Variants in KANSL1 observed in about 807,000 individuals in gnomAD.
KANSL1 encodes KAT8 regulatory NSL complex subunit 1.
Under a neutral mutation model 103.6 loss-of-function variants are expected in KANSL1, and 22 were observed. That is an observed-to-expected ratio of 0.21 (90% CI 0.15 to 0.30). The LOEUF (loss-of-function observed/expected upper bound fraction) is 0.30. Among genes scored for constraint, KANSL1 ranks in the 10% least tolerant of loss-of-function variants. The probability of loss-of-function intolerance (pLI) is 1.00; values close to 1 mark genes in which losing one functional copy is unlikely to be tolerated. For synonymous variants in KANSL1, 600 were observed against 527.6 expected (o/e 1.14, Z -1.88); for missense variants, 1,337 against 1,399.8 (o/e 0.96, Z 0.72).
At chr17:46,122,046 C>T (rs1598676973) in intron 2 of KANSL1, among the ~76,000 whole-genome samples, 2 of 152,180 alleles carry the variant, frequency 1.3e-5, no homozygotes, top group South Asian at 4.1e-4. Context: ...TTCCAGTTTT[C>T]ACACGATAAT....
At chr17:46,068,843 T>G (rs1434192177) in intron 4 of KANSL1, among the ~76,000 whole-genome samples, 2 of 152,062 alleles carry the variant, frequency 1.3e-5, no homozygotes, top group Non-Finnish European at 2.9e-5. Context: ...ACCTCTGAGG[T>G]ATAGGCAATA....
At chr17:46,144,253 G>A (rs145045012) in intron 2 of KANSL1, among the ~76,000 whole-genome samples, 179 of 152,304 alleles carry the variant, frequency 1.2e-3, no homozygotes, top group African/African-American at 4.1e-3. Context: ...ACTTCCTATC[G>A]TGTGCCAAAA....
chr17:46,053,017 G>A (rs2146511662), intron 6 of KANSL1, among the ~76,000 whole-genome samples: 1 of 130,186 alleles, frequency 7.7e-6, no homozygotes, highest in Middle Eastern at 5.3e-3. Context: ...GCTGCGCATG[G>A]TGGCTCACGC....
chr17:46,198,201 T>A (rs1315248757), upstream of KANSL1, among the ~76,000 whole-genome samples: 1 of 152,162 alleles, frequency 6.6e-6, no homozygotes, highest in African/African-American at 2.4e-5. Flanking sequence ...CTCCCTCACT[T>A]ATTCTTTGTG....
chr17:46,105,111 CCTA>C (rs1195051428), intron 2 of KANSL1, among the ~76,000 whole-genome samples: 1 of 152,160 alleles, frequency 6.6e-6, no homozygotes. Flanking sequence ...CCGCACATGG[CCTA>C]CTGTGTCTTC....
At chr17:46,216,835 G>A (rs1269807720) in intron 1 of KANSL1, among the ~76,000 whole-genome samples, 1 of 151,950 alleles carries the variant, frequency 6.6e-6, no homozygotes, top group African/African-American at 2.4e-5. Flanking sequence ...CCTGGGCACA[G>A]TGGCGCATTC....
rs1341393803 is a variant in KANSL1, at chr17:46,039,144, T to G, written c.2275A>C (p.Met759Leu). 5 of 1,612,334 alleles carry G rather than the reference T, an allele frequency of 3.1e-6. No homozygotes were observed. Among genetic ancestry groups the G allele is most frequent in the Non-Finnish European group, 4.2e-6 (5 of 1,179,646 alleles). The change falls in exon 9 of 15, where the codon ATG becomes CTG. Residue 759 changes from methionine (M) to leucine (L), a missense_variant. By Grantham distance (15) the Met-to-Leu change is conservative. Transcript: ENST00000432791. ...QHLDDVGAVP[M>L]VERVTAPKAE... The stretch of plus-strand genomic sequence containing the variant: ...TTTGGCGCTGTCACTCGCTCCACCA[T>G]GGGCACGGCCCCCACATCGTCTAAG...
intron 1 of KANSL1, chr17:46,221,341 T>G (rs1346568745): frequency 1.3e-5 from 2 of 152,144 alleles, no homozygotes; most frequent in Non-Finnish European, 2.9e-5. Context: ...ATTTCACTCT[T>G]TTCTCCGACT....
chr17:46,108,055 T>G (rs1339192344), intron 2 of KANSL1, among the ~76,000 whole-genome samples: 1 of 147,424 alleles, frequency 6.8e-6, no homozygotes, highest in Non-Finnish European at 1.5e-5. Context: ...CTTGACCACT[T>G]TCAGGATATT....
intron 1 of KANSL1, among the ~76,000 whole-genome samples, chr17:46,218,079 G>A (rs2148053566): frequency 6.6e-6 from 1 of 152,326 alleles, no homozygotes; most frequent in African/African-American, 2.4e-5. Context: ...CTGGAGTTAT[G>A]CTGCCACCAG....
At chr17:46,151,782 A>G (rs1259377188) in intron 2 of KANSL1, among the ~76,000 whole-genome samples, 1 of 152,236 alleles carries the variant, frequency 6.6e-6, no homozygotes, top group East Asian at 1.9e-4. Flanking sequence ...TGTTGAGGCT[A>G]CTCCTAGAAC....
chr17:46,070,821 T>C (rs1258691836), intron 4 of KANSL1, among the ~76,000 whole-genome samples: 2 of 152,180 alleles, frequency 1.3e-5, no homozygotes, highest in Non-Finnish European at 2.9e-5. Context: ...TCACGTGTTC[T>C]AGAAGGTACT....
intron 7 of KANSL1, chr17:46,049,555 A>C (rs2077637758): frequency 6.6e-6 from 1 of 152,100 alleles, no homozygotes; most frequent in Admixed American, 6.6e-5. Flanking sequence ...ACCTCAAGTG[A>C]TCTGCCTGCC....
intron 9 of KANSL1, 104 bp downstream of exon 9, chr17:46,038,923 A>G: frequency 8.5e-6 from 12 of 1,414,754 alleles, no homozygotes; most frequent in Non-Finnish European, 1.2e-5. Context: ...GCTTTCCTAG[A>G]AAGTGAAGGA....
intron 10 of KANSL1, chr17:46,037,920 G>A (rs2077196243): frequency 6.6e-6 from 1 of 152,318 alleles, no homozygotes; most frequent in East Asian, 1.9e-4. Flanking sequence ...CTTCCAGATG[G>A]AGTGTGGTAT....
chr17:46,197,922 G>A (rs936643319), upstream of KANSL1, among the ~76,000 whole-genome samples: 1 of 152,186 alleles, frequency 6.6e-6, no homozygotes, highest in Non-Finnish European at 1.5e-5. Context: ...TCAGTACCTC[G>A]TATGTCCAAA....
rs2076968886 is a variant in KANSL1, at chr17:46,030,220, G to A, written c.*1256C>T. 1 of 150,810 alleles carries A rather than the reference G, an allele frequency of 6.6e-6. No homozygotes were observed. The highest frequency in any genetic ancestry group is 2.4e-5 in the African/African-American group (1 of 40,866). 9.3% of individuals were successfully genotyped at this position (150,810 alleles called of 1,614,324 possible). The stretch of plus-strand genomic sequence containing the variant: ...AAATAGAAGAAGCACTTTATGCATA[G>A]GGATATGGTGCATTATTGTATTTTT... On this transcript the variant is annotated 3_prime_UTR_variant, in exon 15 of 15. Coordinates refer to ENST00000432791, the MANE Select transcript of KANSL1 (RefSeq NM_015443.4).
chr17:46,053,679 C>T (rs1487945879), intron 6 of KANSL1, among the ~76,000 whole-genome samples: 1 of 152,146 alleles, frequency 6.6e-6, no homozygotes, highest in Non-Finnish European at 1.5e-5. Flanking sequence ...TCGTGATCTG[C>T]CCGCCTCGGC....
rs71138525 is a variant in KANSL1 at position 46,096,311 on chromosome 17, CT to C, written c.1290-1611del. 7.7e-3 allele frequency among the ~76,000 whole-genome samples: 589 copies of C among 76,402 alleles called. 2 individuals carry two copies. Among genetic ancestry groups the C allele is most frequent in the Non-Finnish European group, 0.01 (427 of 40,684 alleles). 50.1% of individuals were successfully genotyped at this position (76,402 alleles called of 152,430 possible). ...CATACTACATACCTGGCTTTTTTTT[CT>C]TTTTTTTTTTTTTTTTTTTTGAGAT... On this transcript the variant is annotated intron_variant, in intron 2 of 14. Coordinates refer to ENST00000432791, the MANE Select transcript of KANSL1 (RefSeq NM_015443.4).
Sources: gnomAD v4.1 joint callset for allele counts (sites outside exome capture counted in the v4.1 genomes callset) on GRCh38, gnomAD v4.1.1 for gene constraint, MANE v1.5 for transcripts, NCBI Gene and HGNC (gene_info 2026-07-23, HGNC 2026-07-21) for gene names.